The following MRPL39 variants were observed in gnomAD, a reference collection of about 807,000 sequenced individuals.
MRPL39 encodes the protein mitochondrial ribosomal protein L39.
MRPL39 carries 35 observed loss-of-function variants against 44.5 expected under a neutral mutation model. That is an observed-to-expected ratio of 0.79 (90% confidence interval 0.60 to 1.04). The LOEUF is 1.04. Among genes scored for constraint, MRPL39 ranks in the 50% least tolerant of loss-of-function variants. The probability of loss-of-function intolerance (pLI) is 0.00; values close to 1 mark genes in which losing one functional copy is unlikely to be tolerated. For synonymous variants in MRPL39, 139 were observed against 136.1 expected (o/e 1.02, Z -0.15); for missense variants, 433 against 413.5 (o/e 1.05, Z -0.41).
intron 4 of MRPL39, among the ~76,000 whole-genome samples, chr21:25,600,463 G>C (rs2031489304): frequency 1.4e-5 from 2 of 146,268 alleles, no homozygotes; most frequent in African/African-American, 5.0e-5. Flanking sequence ...TAACTTAATG[G>C]ATACAAAATG....
intron 9 of MRPL39, chr21:25,587,750 ATGAC>A (rs1410274781): frequency 6.2e-7 from 1 of 1,613,472 alleles, no homozygotes; most frequent in Admixed American, 1.7e-5. Flanking sequence ...GTAGTGAAGA[ATGAC>A]TGCGTAGTAA....
intron 2 of MRPL39, among the ~76,000 whole-genome samples, chr21:25,605,131 A>AT (rs2031625577): frequency 6.6e-6 from 1 of 152,252 alleles, no homozygotes; most frequent in African/African-American, 2.4e-5. Flanking sequence ...GTTTAAGCTG[A>AT]TAACTAAAGT....
chr21:25,598,453 A>AGAGG (rs1555852486), intron 5 of MRPL39, among the ~76,000 whole-genome samples: 1 of 15,960 alleles, frequency 6.3e-5, no homozygotes, highest in South Asian at 1.2e-3. Flanking sequence ...AAAAAAAAAA[A>AGAGG]GAGAGAGAAA....
In MRPL39 at chr21:25,597,378, A is replaced by C; in HGVS notation, c.625T>G (p.Leu209Val). 1 of 1,599,842 alleles carries C rather than the reference A, an allele frequency of 6.3e-7. No individual in the cohort carries two copies. ...LRSFTKDAHA[L>V]IYKDLPFETL... is the part of the protein sequence containing the mutation. ...TCAAATGGAAGATCTTTATAAATTA[A>C]AGCATGAGCATCTTTTGTGAAGGAA... The change falls in exon 6 of 10, where the codon TTA becomes GTA. Residue 209 changes from leucine to valine, a missense_variant. Physicochemically the swap from Leu to Val is conservative, Grantham distance 32. Coordinates refer to ENST00000352957, the MANE Select transcript of MRPL39 (RefSeq NM_017446.4).
At chr21:25,588,684 T>A (rs1045772001) in intron 9 of MRPL39, 151 bp downstream of exon 9, 21 of 654,424 alleles carry the variant, frequency 3.2e-5, no homozygotes, top group Non-Finnish European at 4.7e-5. Flanking sequence ...AACACACTAG[T>A]GAACAATCAC....
chr21:25,594,820 C>CTG (rs2031306719), intron 6 of MRPL39, among the ~76,000 whole-genome samples: 1 of 152,144 alleles, frequency 6.6e-6, no homozygotes, highest in Non-Finnish European at 1.5e-5. Flanking sequence ...GCACCTTACC[C>CTG]TGAAATTTGC....
Position 25,597,428 on chromosome 21 carries a change from G to C in MRPL39, c.589-14C>G, listed in dbSNP as rs2123242183. 7.1e-7 allele frequency: 1 copy of C among 1,411,966 alleles called. No homozygotes were observed. The highest frequency in any genetic ancestry group is 1.9e-4 in the Middle Eastern group (1 of 5,210). The allele number at this position is 1,411,966 out of a possible 1,614,324, so 87.5% of individuals were successfully genotyped here. On this transcript the variant is annotated splice_polypyrimidine_tract_variant and intron_variant, in intron 5 of 9. Transcript: ENST00000352957. The stretch of plus-strand genomic sequence containing the variant: ...ACGTAAGTTCTCCTTAAAAATGAAA[G>C]TAATAACCTTTAGTAACAATTCACT...
At chr21:25,594,639 A>T (rs2031298709) in intron 6 of MRPL39, among the ~76,000 whole-genome samples, 1 of 151,970 alleles carries the variant, frequency 6.6e-6, no homozygotes. Context: ...CCCTTTGAGA[A>T]TTCTATCCTA....
upstream of MRPL39, chr21:25,607,484 T>C: frequency 6.2e-7 from 1 of 1,610,230 alleles, no homozygotes; most frequent in Non-Finnish European, 8.5e-7. Context: ...ATAGCAGCGG[T>C]GAGAACCGTC....
chr21:25,588,392 C>G (rs547047129), intron 9 of MRPL39, among the ~76,000 whole-genome samples: 12 of 152,020 alleles, frequency 7.9e-5, no homozygotes, highest in Non-Finnish European at 1.6e-4. Context: ...TACAAAAACA[C>G]AAACATTCAA....
At chr21:25,586,257 C>G (rs932619058) in intron 9 of MRPL39, among the ~76,000 whole-genome samples, 1 of 152,178 alleles carries the variant, frequency 6.6e-6, no homozygotes, top group Admixed American at 6.5e-5. Context: ...CATCATCTAT[C>G]TTGGTAAAGG....
chr21:25,591,908 C>G (rs1185347500), intron 8 of MRPL39, among the ~76,000 whole-genome samples: 1 of 152,190 alleles, frequency 6.6e-6, no homozygotes, highest in Non-Finnish European at 1.5e-5. Context: ...CTGAAAATAA[C>G]TCAGATGTCC....
intron 6 of MRPL39, among the ~76,000 whole-genome samples, chr21:25,595,358 C>G (rs1409046553): frequency 6.6e-6 from 1 of 152,228 alleles, no homozygotes; most frequent in Non-Finnish European, 1.5e-5. Flanking sequence ...CCCACCCTTA[C>G]TCCTGCAGCA....
Position 25,599,880 on chromosome 21 carries a change from C to G in MRPL39, c.521-14G>C. 6.2e-7 allele frequency: 1 copy of G among 1,608,318 alleles called. No homozygotes were observed. The highest frequency in any genetic ancestry group is 2.2e-5 in the East Asian group (1 of 44,814). On this transcript the variant is annotated splice_polypyrimidine_tract_variant and intron_variant, in intron 4 of 9. Transcript: ENST00000352957. ...CACCAGAAATTACTGTAAATCCAAC[C>G]AAAATAAAAAGCAAAGTCAAATCTG...
chr21:25,607,478 C>G lies in MRPL39; in HGVS notation c.-3G>C. The G allele has an allele frequency of 1.9e-6, 3 of 1,611,246 alleles. No individual in the cohort carries two copies. Among genetic ancestry groups the G allele is most frequent in the East Asian group, 2.2e-5 (1 of 44,860 alleles). The stretch of plus-strand genomic sequence containing the variant: ...GAACCCATGGCCAGCGCCTCCATAG[C>G]AGCGGTGAGAACCGTCGCGCGCAAG... On this transcript the variant is annotated 5_prime_UTR_variant, in exon 1 of 10. Coordinates refer to ENST00000352957, the MANE Select transcript of MRPL39 (RefSeq NM_017446.4).
In MRPL39 at chr21:25,588,818, CT is replaced by C. The variant is rs2031083334; in HGVS notation, c.969+16del. The C allele has an allele frequency of 1.2e-6, 2 of 1,603,020 alleles. No homozygotes were observed. The highest frequency in any genetic ancestry group is 8.5e-7 in the Non-Finnish European group (1 of 1,170,996). The stretch of plus-strand genomic sequence containing the variant: ...TTCTTTATAGAAGAGTACTCAATAG[CT>C]GTCAAAAACACTTACCATTTTCCGA... On this transcript the variant is annotated intron_variant, in intron 9 of 9. Transcript: ENST00000352957.
At chr21:25,607,527 G>A (rs1428265327), upstream of MRPL39, 2 of 1,579,816 alleles carry the variant, frequency 1.3e-6, no homozygotes, top group African/African-American at 1.3e-5. Context: ...TCCTCCCCCG[G>A]AAACCGAACG....
chr21:25,592,103 C>T (rs1347150043), intron 8 of MRPL39, among the ~76,000 whole-genome samples: 1 of 152,148 alleles, frequency 6.6e-6, no homozygotes, highest in Non-Finnish European at 1.5e-5. Context: ...ATACAATATT[C>T]TTGAAGTGAC....
Position 25,603,958 on chromosome 21 carries a change from T to C in MRPL39, c.281-23A>G, listed in dbSNP as rs774182693. ...AATCTAGAAATTTAAAACAGACTGATTATCTAACAAAATCCAGAGTGAAAA... is the reference window on the plus strand; with the variant it reads ...AATCTAGAAATTTAAAACAGACTGACTATCTAACAAAATCCAGAGTGAAAA... On this transcript the variant is annotated intron_variant, in intron 2 of 9. Transcript: ENST00000352957. 99 of 1,592,730 alleles carry C rather than the reference T, an allele frequency of 6.2e-5. No homozygotes were observed. The highest frequency in any genetic ancestry group is 7.8e-5 in the Non-Finnish European group (92 of 1,172,286).
Sources: gnomAD v4.1 joint callset for allele counts (sites outside exome capture counted in the v4.1 genomes callset) on GRCh38, gnomAD v4.1.1 for gene constraint, MANE v1.5 for transcripts, NCBI Gene and HGNC (gene_info 2026-07-23, HGNC 2026-07-21) for gene names.